UCHL3: variants seen among roughly 807,000 people sequenced by gnomAD.
UCHL3 encodes the protein ubiquitin carboxyl-terminal hydrolase isozyme L3.
UCHL3 carries 22 observed loss-of-function variants against 35.8 expected under a neutral mutation model. The observed-to-expected ratio is 0.61, with a 90% CI of 0.44 to 0.88. The LOEUF is 0.88. UCHL3 is among the 40% of genes least tolerant of loss of function. The pLI, the probability that UCHL3 is intolerant of heterozygous loss-of-function variation, is 0.00. For synonymous variants in UCHL3, 90 were observed against 92.8 expected, an observed-to-expected ratio of 0.97 and a Z score of 0.17; for missense variants, 229 against 276.9, an observed-to-expected ratio of 0.83 and a Z score of 1.23.
chr13:75,558,503 T>G (rs763785631), intron 2 of UCHL3, among the ~76,000 whole-genome samples: 1 of 152,234 alleles, frequency 6.6e-6, no homozygotes, highest in Non-Finnish European at 1.5e-5. Context: ...ACAGGATGAC[T>G]TTGTGGGTAC....
chr13:75,550,115 C>G (rs1024786383), intron 2 of UCHL3, 128 bp downstream of exon 2: 1 of 1,435,608 alleles, frequency 7.0e-7, no homozygotes, highest in Non-Finnish European at 9.8e-7. Flanking sequence ...CCCTCTTGTT[C>G]GGCTTTACGC....
chr13:75,579,235 C>T (rs2032110886), intron 6 of UCHL3, among the ~76,000 whole-genome samples: 4 of 151,834 alleles, frequency 2.6e-5, no homozygotes, highest in African/African-American at 4.8e-5. Context: ...TTTAAGTTGC[C>T]GATTATCTTG....
intron 7 of UCHL3, among the ~76,000 whole-genome samples, chr13:75,598,955 A>G (rs548557494): frequency 6.6e-5 from 10 of 152,170 alleles, no homozygotes; most frequent in African/African-American, 1.7e-4. Context: ...ATGGATTCCT[A>G]CTTTACTTGA....
At chr13:75,562,281 G>T (rs1465628582) in intron 3 of UCHL3, among the ~76,000 whole-genome samples, 2 of 151,952 alleles carry the variant, frequency 1.3e-5, no homozygotes, top group African/African-American at 4.8e-5. Context: ...TTCAATAAAA[G>T]AAATGATATT....
In UCHL3 at chr13:75,569,185, A is replaced by G. The variant is rs2031777699; in HGVS notation, c.427-275A>G. 1.0e-5 allele frequency: 3 copies of G among 295,936 alleles called. No homozygotes were observed. The East Asian group carries it at 1.8e-4, about 18-fold the overall frequency. The allele number at this position is 295,936 out of a possible 1,614,324, so 18.3% of individuals were successfully genotyped here. A position where few individuals can be genotyped will look rare whatever the true frequency, so the allele number is the denominator to read the frequency against. On this transcript the variant is annotated intron_variant, in intron 5 of 8. Transcript: ENST00000377595. Reference sequence around the variant, plus strand: ...GTTAAGTGTTAGTTCTAACAACTGAATAAGTTAAATGGCCCCTACTTAGAG... The same window carrying G: ...GTTAAGTGTTAGTTCTAACAACTGAGTAAGTTAAATGGCCCCTACTTAGAG...
intron 6 of UCHL3, chr13:75,589,976 C>A (rs1340536322): frequency 7.7e-7 from 1 of 1,304,850 alleles, no homozygotes. Flanking sequence ...ATTCTAGCCA[C>A]TGCAGAACGA....
At chr13:75,581,548 G>A (rs2032187866) in intron 6 of UCHL3, among the ~76,000 whole-genome samples, 1 of 148,706 alleles carries the variant, frequency 6.7e-6, no homozygotes, top group Non-Finnish European at 1.5e-5. Context: ...TAGTAGGGTG[G>A]GGTCTCCCTA....
At chr13:75,559,028 C>CTTTT (rs1174023476) in intron 2 of UCHL3, among the ~76,000 whole-genome samples, 6 of 125,422 alleles carry the variant, frequency 4.8e-5, no homozygotes, top group African/African-American at 2.1e-4. Context: ...CAGCCCCGGA[C>CTTTT]TCTTTTTTTT....
At chr13:75,585,227 C>T (rs1389089332) in intron 6 of UCHL3, among the ~76,000 whole-genome samples, 1 of 152,044 alleles carries the variant, frequency 6.6e-6, no homozygotes, top group Non-Finnish European at 1.5e-5. Context: ...CACATATATA[C>T]CTACTGAGAT....
chr13:75,569,821 C>T (rs1415674585), intron 6 of UCHL3, among the ~76,000 whole-genome samples: 1 of 152,202 alleles, frequency 6.6e-6, no homozygotes, highest in Non-Finnish European at 1.5e-5. Flanking sequence ...TGAGGTCCAA[C>T]TATTTTGAGA....
intron 6 of UCHL3, among the ~76,000 whole-genome samples, chr13:75,579,615 A>C (rs770081254): frequency 7.3e-5 from 11 of 151,340 alleles, no homozygotes; most frequent in Non-Finnish European, 1.5e-4. Context: ...TGATCTCAGA[A>C]TTTTAGAAAT....
intron 6 of UCHL3, among the ~76,000 whole-genome samples, chr13:75,580,331 T>C (rs1324479210): frequency 3.3e-5 from 5 of 152,202 alleles, no homozygotes; most frequent in African/African-American, 1.2e-4. Flanking sequence ...TGAAATTTAC[T>C]AAAAAATCTA....
intron 2 of UCHL3, among the ~76,000 whole-genome samples, chr13:75,559,622 C>A (rs988193794): frequency 1.3e-4 from 20 of 152,164 alleles, no homozygotes; most frequent in African/African-American, 4.6e-4. Flanking sequence ...GTCATGGCTT[C>A]CACTGGTTTT....
chr13:75,594,866 T>A, intron 6 of UCHL3, 49 bp from the exon 7 acceptor site: 1 of 1,373,410 alleles, frequency 7.3e-7, no homozygotes. Context: ...CATGACTGAT[T>A]TGTTTGACTA....
chr13:75,592,875 A>T (rs976672523), intron 6 of UCHL3, among the ~76,000 whole-genome samples: 4 of 152,112 alleles, frequency 2.6e-5, no homozygotes, highest in Non-Finnish European at 5.9e-5. Flanking sequence ...TTGTTATTGG[A>T]GTAATACATA....
intron 6 of UCHL3, among the ~76,000 whole-genome samples, chr13:75,592,021 C>T (rs1356182572): frequency 6.6e-6 from 1 of 151,926 alleles, no homozygotes; most frequent in African/African-American, 2.4e-5. Context: ...TTGGGATGCT[C>T]AACCAGTATG....
At chr13:75,585,061 G>A (rs1020298881) in intron 6 of UCHL3, among the ~76,000 whole-genome samples, 4 of 151,880 alleles carry the variant, frequency 2.6e-5, no homozygotes, top group South Asian at 4.2e-4. Context: ...TATGATGGGG[G>A]TGGGAGTGGG....
intron 6 of UCHL3, among the ~76,000 whole-genome samples, chr13:75,578,954 G>A (rs2032103684): frequency 6.6e-6 from 1 of 152,072 alleles, no homozygotes; most frequent in Non-Finnish European, 1.5e-5. Flanking sequence ...ACTGTCAGTG[G>A]CAGTAAATAG....
chr13:75,566,554 T>TA (rs1396643801), intron 3 of UCHL3, 141 bp from the exon 4 acceptor site: 1 of 568,970 alleles, frequency 1.8e-6, no homozygotes, highest in Non-Finnish European at 2.8e-6. Flanking sequence ...GTCAGTCTGG[T>TA]AGGTGATAAA....
Sources: allele counts gnomAD v4.1 joint callset (sites outside exome capture counted in the v4.1 genomes callset), GRCh38; gene constraint gnomAD v4.1.1; transcripts MANE v1.5; gene names NCBI Gene and HGNC (gene_info 2026-07-23, HGNC 2026-07-21).